The following HDAC4 variants were observed in gnomAD, a reference collection of about 807,000 sequenced individuals.
HDAC4 encodes histone deacetylase A.
A neutral mutation model predicts 135.1 loss-of-function variants in HDAC4; 16 were observed. The ratio of observed to expected loss-of-function variants is 0.12; its 90% CI spans 0.08 to 0.18. The LOEUF (loss-of-function observed/expected upper bound fraction) is 0.18, where lower values mean the gene tolerates loss of function less well. Among genes scored for constraint, HDAC4 ranks in the 10% least tolerant of loss-of-function variants. The pLI, the probability that HDAC4 is intolerant of heterozygous loss-of-function variation, is 1.00. For synonymous variants in HDAC4, 685 were observed against 653.4 expected (o/e 1.05, Z -0.74); for missense variants, 1,143 against 1,511.8 (o/e 0.76, Z 4.05).
At chr2:239,111,807 C>T in intron 13 of HDAC4, 95 bp from the exon 14 acceptor site, 1 of 1,158,102 alleles carries the variant, frequency 8.6e-7, no homozygotes, top group Non-Finnish European at 1.3e-6. Context: ...GTCTCCCGTC[C>T]ACGCACAGGC....
In HDAC4 at chr2:239,135,560, A is replaced by G. The variant is rs549559772; in HGVS notation, c.979-917T>C. 3.9e-5 allele frequency among the ~76,000 whole-genome samples: 6 copies of G among 152,368 alleles called. No individual in the cohort carries two copies. In the East Asian group the frequency reaches 1.2e-3, roughly 29 times the overall value. On this transcript the variant is annotated intron_variant, in intron 9 of 26. Transcript: ENST00000543185. ...GCGAACACTGTTGGGTGAATCACAA[A>G]TCAGTTAGTGGCACCCTTTCTGCAG...
intron 2 of HDAC4, among the ~76,000 whole-genome samples, chr2:239,248,845 A>T (rs532297352): frequency 6.6e-6 from 1 of 152,338 alleles, no homozygotes; most frequent in South Asian, 2.1e-4. Flanking sequence ...ACACGGACTC[A>T]TTCAAGCCTC....
intron 2 of HDAC4, among the ~76,000 whole-genome samples, chr2:239,239,672 T>C (rs769320079): frequency 3.3e-5 from 5 of 152,208 alleles, no homozygotes. Flanking sequence ...CTTGTTCTCG[T>C]TGTGTGCCAC....
rs554701141 is a variant in HDAC4, at chr2:239,098,395, C to T, written c.2234-3339G>A. Among the ~76,000 whole-genome samples, 18 of 152,384 alleles carry T rather than the reference C, an allele frequency of 1.2e-4. No homozygotes were observed. In the South Asian group the frequency reaches 3.5e-3, roughly 30 times the overall value. ...GAAGGCTCGGCTCCAGCCATCCTCT[C>T]GCTGCTGCTCCTGCTCCCTGGCTGG... On this transcript the variant is annotated intron_variant, in intron 16 of 26. Transcript: ENST00000543185.
intron 4 of HDAC4, among the ~76,000 whole-genome samples, chr2:239,185,134 A>T (rs113989796): frequency 7.3e-6 from 1 of 137,528 alleles, no homozygotes; most frequent in African/African-American, 2.6e-5. Flanking sequence ...TCCCTCGGTG[A>T]CTACCCTGGA....
rs746199263 is a variant in HDAC4, at chr2:239,108,152, G to A, written c.2010C>T (p.His670=). ...TGCTGCTACTCCCGCAGGTGCACTG[G>A]TGCTTCAGCATCAGCGTGTCATACA... The part of the protein sequence containing the change: ...GLVYDTLMLK[H]QCTCGSSSSH... The change falls in exon 15 of 27, where the codon CAC becomes CAT. Residue 670 remains histidine, a synonymous_variant. Coordinates refer to ENST00000543185, the MANE Select transcript of HDAC4 (RefSeq NM_001378414.1). The A allele has an allele frequency of 8.7e-6, 14 of 1,606,346 alleles. No homozygotes were observed. Among genetic ancestry groups the A allele is most frequent in the South Asian group, 7.8e-5 (7 of 90,122 alleles).
intron 9 of HDAC4, among the ~76,000 whole-genome samples, chr2:239,136,352 T>C (rs1324980165): frequency 6.6e-6 from 1 of 152,226 alleles, no homozygotes; most frequent in Non-Finnish European, 1.5e-5. Context: ...TCCATCTATG[T>C]TGCTGCAAAT....
Position 239,052,774 on chromosome 2 carries a change from C to G in HDAC4, c.*323G>C. ...CAACTGAATTCGGCAGCTCGGCCGC[C>G]TGTTGCCACAGGCTCCTTTCTTCCA... On this transcript the variant is annotated 3_prime_UTR_variant, in exon 27 of 27. Coordinates refer to ENST00000543185, the MANE Select transcript of HDAC4 (RefSeq NM_001378414.1). 4.8e-6 allele frequency: 2 copies of G among 420,366 alleles called. No homozygotes were observed. The highest frequency in any genetic ancestry group is 8.7e-6 in the Non-Finnish European group (2 of 230,766). The allele number at this position is 420,366 out of a possible 1,614,324, so 26.0% of individuals were successfully genotyped here.
intron 19 of HDAC4, among the ~76,000 whole-genome samples, chr2:239,084,577 C>T (rs2035697406): frequency 6.6e-6 from 1 of 151,686 alleles, no homozygotes; most frequent in African/African-American, 2.4e-5. Context: ...CACAGACACA[C>T]ACACCACAGA....
intron 5 of HDAC4, among the ~76,000 whole-genome samples, chr2:239,174,837 G>A (rs1435351347): frequency 2.0e-5 from 3 of 152,164 alleles, no homozygotes; most frequent in African/African-American, 7.2e-5. Flanking sequence ...TGCAAAATGG[G>A]GATGAATTTC....
chr2:239,109,231 G>A (rs1008113030), intron 14 of HDAC4, among the ~76,000 whole-genome samples: 4 of 152,230 alleles, frequency 2.6e-5, no homozygotes, highest in South Asian at 2.1e-4. Context: ...GACGCCTTCC[G>A]CAGGCAGGTC....
At chr2:239,129,955 C>G (rs1297752413) in intron 11 of HDAC4, among the ~76,000 whole-genome samples, 3 of 152,164 alleles carry the variant, frequency 2.0e-5, no homozygotes, top group Non-Finnish European at 4.4e-5. Flanking sequence ...AAGTTCCGGA[C>G]CCAGTTTTGA....
chr2:239,230,567 G>A (rs573295156), intron 3 of HDAC4, among the ~76,000 whole-genome samples: 10 of 152,144 alleles, frequency 6.6e-5, no homozygotes, highest in Non-Finnish European at 1.3e-4. Context: ...AGGCCGCCAC[G>A]GCCTCTCTTC....
At chr2:239,054,347 G>A (rs1477791664) in intron 25 of HDAC4, among the ~76,000 whole-genome samples, 2 of 152,120 alleles carry the variant, frequency 1.3e-5, no homozygotes, top group African/African-American at 4.8e-5. Context: ...CTGCCTCTCT[G>A]CAGGGCCAAG....
At chr2:239,103,842 G>C (rs2037876658) in intron 15 of HDAC4, among the ~76,000 whole-genome samples, 1 of 152,268 alleles carries the variant, frequency 6.6e-6, no homozygotes, top group Non-Finnish European at 1.5e-5. Context: ...CTTCCTGCAG[G>C]ACGCATTGCA....
At chr2:239,087,462 C>G (rs1236867728) in intron 19 of HDAC4, 97 bp downstream of exon 19, 1 of 1,238,302 alleles carries the variant, frequency 8.1e-7, no homozygotes, top group African/African-American at 1.5e-5. Flanking sequence ...CAAACAGCAG[C>G]CCAGCTCCCC....
At chr2:239,397,368 G>A (rs1020514355) in intron 1 of HDAC4, among the ~76,000 whole-genome samples, 1 of 152,224 alleles carries the variant, frequency 6.6e-6, no homozygotes, top group African/African-American at 2.4e-5. Context: ...CCAAGCAGGT[G>A]CTCATCTGGC....
intron 3 of HDAC4, among the ~76,000 whole-genome samples, chr2:239,212,848 A>G (rs1221702534): frequency 6.6e-6 from 1 of 152,222 alleles, no homozygotes; most frequent in South Asian, 2.1e-4. Context: ...CAGGAAGATA[A>G]GCAGTCAACA....
chr2:239,148,852 G>C (rs2041928619), intron 7 of HDAC4, among the ~76,000 whole-genome samples: 1 of 152,182 alleles, frequency 6.6e-6, no homozygotes, highest in South Asian at 2.1e-4. Flanking sequence ...TGCAGAGGAG[G>C]GTCTCCTAGG....
Sources: gnomAD v4.1 joint callset for allele counts (sites outside exome capture counted in the v4.1 genomes callset) on GRCh38, gnomAD v4.1.1 for gene constraint, MANE v1.5 for transcripts, NCBI Gene and HGNC (gene_info 2026-07-23, HGNC 2026-07-21) for gene names.